Variants in MRPL58 observed in about 807,000 individuals in gnomAD.
MRPL58 encodes the protein mitochondrial ribosomal protein L58.
In MRPL58, 17 loss-of-function variants were observed where a neutral mutation model predicts 26.0. The ratio of observed to expected loss-of-function variants is 0.65; its 90% CI spans 0.45 to 0.98. The LOEUF is 0.98. Ranked by LOEUF, MRPL58 falls within the 50% of genes least tolerant of loss-of-function variation. The pLI is 0.00. For synonymous variants in MRPL58, 100 were observed against 99.7 expected (o/e 1.00, Z -0.02); for missense variants, 250 against 269.0 (o/e 0.93, Z 0.49).
At chr17:75,012,894 G>T in intron 1 of MRPL58, 22 bp downstream of exon 1, 1 of 1,591,064 alleles carries the variant, frequency 6.3e-7, no homozygotes, top group Non-Finnish European at 8.5e-7. Flanking sequence ...AGGACTGGAC[G>T]GAAGGGGCGT....
intron 1 of MRPL58, among the ~76,000 whole-genome samples, chr17:75,015,163 G>A (rs2039963960): frequency 6.6e-6 from 1 of 152,146 alleles, no homozygotes; most frequent in East Asian, 1.9e-4. Flanking sequence ...AAAGGTTTGA[G>A]TTTGAGCCAG....
chr17:75,018,850 G>A (rs1225205366), intron 2 of MRPL58, among the ~76,000 whole-genome samples: 1 of 151,778 alleles, frequency 6.6e-6, no homozygotes, highest in Non-Finnish European at 1.5e-5. Context: ...CAAAGATGCT[G>A]GCTCCCTGTG....
chr17:75,019,890 T>C, intron 3 of MRPL58, 131 bp downstream of exon 3: 2 of 650,352 alleles, frequency 3.1e-6, no homozygotes. Context: ...CAGCTTATAA[T>C]AATCCTCTTT....
At chr17:75,014,968 T>C (rs60062294) in intron 1 of MRPL58, among the ~76,000 whole-genome samples, 44,515 of 152,036 alleles carry the variant, frequency 0.29, 6,689 homozygotes, top group Admixed American at 0.4. Flanking sequence ...AGTAAACAAA[T>C]AGGGAAAATA....
Position 75,020,585 on chromosome 17 carries a change from G to C in MRPL58, c.464G>C (p.Arg155Pro). 1.9e-6 allele frequency: 3 copies of C among 1,614,120 alleles called. No homozygotes were observed. Among genetic ancestry groups the C allele is most frequent in the African/African-American group, 2.7e-5 (2 of 75,016 alleles). ...CTGGCAGATTGCCTGCAGAAAATTCGAGACATGATCACTGAGGCCAGCCAG... is the reference window on the plus strand; with the variant it reads ...CTGGCAGATTGCCTGCAGAAAATTCCAGACATGATCACTGAGGCCAGCCAG... The part of the protein sequence containing the change: ...RNLADCLQKI[R>P]DMITEASQTP... The change falls in exon 5 of 6, where the codon CGA becomes CCA. Residue 155 changes from arginine (R) to proline (P), a missense_variant. Coordinates refer to ENST00000301585, the MANE Select transcript of MRPL58 (RefSeq NM_001545.3).
intron 2 of MRPL58, among the ~76,000 whole-genome samples, chr17:75,019,078 C>T (rs1288720669): frequency 2.6e-5 from 4 of 151,494 alleles, no homozygotes; most frequent in East Asian, 1.9e-4. Context: ...TGCAGTGAGC[C>T]GTCATTGTGC....
At chr17:75,013,674 A>G (rs1244098503) in intron 1 of MRPL58, among the ~76,000 whole-genome samples, 3 of 152,220 alleles carry the variant, frequency 2.0e-5, no homozygotes, top group Non-Finnish European at 4.4e-5. Flanking sequence ...AACGCTGTCA[A>G]TGAGGTGGCA....
chr17:75,014,169 A>T (rs982840895), intron 1 of MRPL58, among the ~76,000 whole-genome samples: 1 of 146,222 alleles, frequency 6.8e-6, no homozygotes, highest in Non-Finnish European at 1.5e-5. Context: ...GAGGAATTGA[A>T]GTCTGGGGCC....
chr17:75,020,937 C>G lies in MRPL58; in HGVS notation c.553C>G (p.Arg185Gly). 1.2e-6 allele frequency: 2 copies of G among 1,613,568 alleles called. No individual in the cohort carries two copies. Among genetic ancestry groups the G allele is most frequent in the Non-Finnish European group, 1.7e-6 (2 of 1,179,576 alleles). ...TGTTTTCAGGATAGAAAACATGAAT[C>G]GGGAAAGGCTGAGACAAAAGAGAAT... ...LHRIRIENMN[R>G]ERLRQKRIHS... The change falls in exon 6 of 6, where the codon CGG becomes GGG. Residue 185 changes from arginine (R) to glycine (G), a missense_variant. Coordinates refer to ENST00000301585, the MANE Select transcript of MRPL58 (RefSeq NM_001545.3).
chr17:75,019,876 C>T lies in MRPL58; in HGVS notation c.283+117C>T, dbSNP rs1023718535. 1.9e-5 allele frequency: 13 copies of T among 698,214 alleles called. No homozygotes were observed. In the Admixed American group the frequency reaches 3.8e-4, roughly 21 times the overall value. The allele number at this position is 698,214 out of a possible 1,614,324, so 43.3% of individuals were successfully genotyped here. A position where few individuals can be genotyped will look rare whatever the true frequency, so the allele number is the denominator to read the frequency against. ...GGATTTTTCAGCAGAAGCTTTAATACTGCCAGCTTATAATAATCCTCTTTA... is the reference window on the plus strand; with the variant it reads ...GGATTTTTCAGCAGAAGCTTTAATATTGCCAGCTTATAATAATCCTCTTTA... On this transcript the variant is annotated intron_variant, in intron 3 of 5. Coordinates refer to ENST00000301585, the MANE Select transcript of MRPL58 (RefSeq NM_001545.3).
At chr17:75,014,354 T>TTA (rs2039957781) in intron 1 of MRPL58, among the ~76,000 whole-genome samples, 1 of 140,410 alleles carries the variant, frequency 7.1e-6, no homozygotes, top group Non-Finnish European at 1.6e-5. Flanking sequence ...ACCGGCTAAT[T>TTA]TTTTTTTTTT....
chr17:75,017,781 G>A (rs147010704), intron 2 of MRPL58, among the ~76,000 whole-genome samples: 4,504 of 151,860 alleles, frequency 0.03, 212 homozygotes, highest in African/African-American at 0.1. Context: ...AAAATTAGCC[G>A]GGTGTGGTGG....
At chr17:75,016,713 G>A (rs2039976885) in intron 1 of MRPL58, among the ~76,000 whole-genome samples, 1 of 152,192 alleles carries the variant, frequency 6.6e-6, no homozygotes, top group Non-Finnish European at 1.5e-5. Context: ...GAACAGGGTG[G>A]CCCACCAGGC....
chr17:75,014,690 G>A (rs1408743217), intron 1 of MRPL58, among the ~76,000 whole-genome samples: 1 of 151,266 alleles, frequency 6.6e-6, no homozygotes, highest in Non-Finnish European at 1.5e-5. Context: ...CAAATGATCT[G>A]CTCGCCTCAG....
intron 1 of MRPL58, among the ~76,000 whole-genome samples, chr17:75,013,332 G>A (rs75982824): frequency 0.021 from 3,180 of 152,290 alleles, 50 homozygotes; most frequent in Non-Finnish European, 0.035. Context: ...GCTGTGTGCA[G>A]GCATTGAATC....
Position 75,020,406 on chromosome 17 carries a change from TC to T in MRPL58, c.366+14del. ...AAGATAGCCATCACGGTAACCACCA[TC>T]CCTTTCTTTCCCTAGAAATCCCTCA... On this transcript the variant is annotated intron_variant, in intron 4 of 5. Transcript: ENST00000301585. 6.2e-7 allele frequency: 1 copy of T among 1,614,050 alleles called. No homozygotes were observed. The highest frequency in any genetic ancestry group is 1.1e-5 in the South Asian group (1 of 91,084).
At chr17:75,015,405 A>T (rs1486975926) in intron 1 of MRPL58, among the ~76,000 whole-genome samples, 2 of 152,232 alleles carry the variant, frequency 1.3e-5, no homozygotes, top group Non-Finnish European at 2.9e-5. Flanking sequence ...AATCGCTTGA[A>T]CCCAGGAGGC....
At chr17:75,012,952 G>T in intron 1 of MRPL58, 80 bp downstream of exon 1, 1 of 1,315,938 alleles carries the variant, frequency 7.6e-7, no homozygotes, top group South Asian at 1.3e-5. Context: ...CCATTGGCCG[G>T]ATGTGGAGCT....
chr17:75,020,563 G>A lies in MRPL58; in HGVS notation c.442G>A (p.Ala148Thr), dbSNP rs1044381552. ...ESSRYQFRNL[A>T]DCLQKIRDMI... ...CAGCCGCTATCAGTTCCGGAATCTGGCAGATTGCCTGCAGAAAATTCGAGA... is the reference window on the plus strand; with the variant it reads ...CAGCCGCTATCAGTTCCGGAATCTGACAGATTGCCTGCAGAAAATTCGAGA... Residue 148 changes from alanine to threonine, a missense_variant, in exon 5 of 6, where the codon GCA (alanine) becomes ACA (threonine). Physicochemically the swap from Ala to Thr is moderately conservative, Grantham distance 58. Coordinates refer to ENST00000301585, the MANE Select transcript of MRPL58 (RefSeq NM_001545.3). 15 of 1,614,072 alleles carry A rather than the reference G, an allele frequency of 9.3e-6. No individual in the cohort carries two copies. The highest frequency in any genetic ancestry group is 1.3e-5 in the Non-Finnish European group (15 of 1,179,962).
Sources: gnomAD v4.1 joint callset for allele counts (sites outside exome capture counted in the v4.1 genomes callset) on GRCh38, gnomAD v4.1.1 for gene constraint, MANE v1.5 for transcripts, NCBI Gene and HGNC (gene_info 2026-07-23, HGNC 2026-07-21) for gene names.